The following REV3L variants were observed in gnomAD, a reference collection of about 807,000 sequenced individuals.
REV3L encodes DNA polymerase zeta catalytic subunit.
REV3L carries 69 observed loss-of-function variants against 299.4 expected under a neutral mutation model. That is an observed-to-expected ratio of 0.23 (90% CI 0.19 to 0.28). REV3L has a LOEUF of 0.28. REV3L is among the 10% of genes least tolerant of loss of function. The pLI, the probability that REV3L is intolerant of heterozygous loss-of-function variation, is 1.00. For synonymous variants in REV3L, 1,238 were observed against 1,271.4 expected, an observed-to-expected ratio of 0.97 and a Z score of 0.56; for missense variants, 3,128 against 3,693.8, an observed-to-expected ratio of 0.85 and a Z score of 3.97.
chr6:111,307,870 T>G, intron 30 of REV3L: 1 of 332,280 alleles, frequency 3.0e-6, no homozygotes, highest in South Asian at 3.0e-5. Context: ...TGTGCCATGT[T>G]GGTTTGCTGC....
intron 3 of REV3L, among the ~76,000 whole-genome samples, chr6:111,410,895 G>C (rs1328240730): frequency 9.9e-5 from 15 of 152,090 alleles, no homozygotes; most frequent in Admixed American, 9.2e-4. Flanking sequence ...ACTATACATA[G>C]TGAAAATCCT....
At chr6:111,336,690 A>C (rs1191289792) in intron 21 of REV3L, among the ~76,000 whole-genome samples, 1 of 152,000 alleles carries the variant, frequency 6.6e-6, no homozygotes, top group African/African-American at 2.4e-5. Flanking sequence ...ATCCAAAAGG[A>C]ATGAAAGAGG....
intron 9 of REV3L, among the ~76,000 whole-genome samples, chr6:111,386,639 A>AT (rs2128250390): frequency 6.6e-6 from 1 of 151,316 alleles, no homozygotes; most frequent in South Asian, 2.1e-4. Context: ...AAACTGTTTC[A>AT]TTTGTTACTA....
chr6:111,434,551 G>A (rs60083042), intron 1 of REV3L, among the ~76,000 whole-genome samples: 372 of 151,628 alleles, frequency 2.5e-3, no homozygotes, highest in African/African-American at 8.3e-3. Flanking sequence ...CCCGGGAAGC[G>A]GAGCTTGCAG....
At chr6:111,479,510 T>G (rs1357706580) in intron 1 of REV3L, among the ~76,000 whole-genome samples, 1 of 48,028 alleles carries the variant, frequency 2.1e-5, no homozygotes, top group African/African-American at 3.9e-5. Context: ...CCCCCCCGCC[T>G]TTTTTTTTTT....
intron 3 of REV3L, among the ~76,000 whole-genome samples, chr6:111,408,521 T>C (rs1372310390): frequency 1.3e-5 from 2 of 152,080 alleles, no homozygotes; most frequent in African/African-American, 4.8e-5. Flanking sequence ...GGAGAATTGC[T>C]TGAACCTGGG....
chr6:111,465,763 A>C (rs931211700), intron 1 of REV3L, among the ~76,000 whole-genome samples: 1 of 151,018 alleles, frequency 6.6e-6, no homozygotes, highest in South Asian at 2.1e-4. Context: ...AAAAAAAAAA[A>C]AAACTTTGTT....
intron 4 of REV3L, among the ~76,000 whole-genome samples, chr6:111,400,762 A>G (rs764098640): frequency 9.9e-5 from 15 of 152,140 alleles, no homozygotes; most frequent in African/African-American, 2.7e-4. Context: ...TTTTGGTGTC[A>G]TATCTAAAAC....
At chr6:111,337,295 C>A (rs1776002537) in intron 21 of REV3L, among the ~76,000 whole-genome samples, 1 of 152,158 alleles carries the variant, frequency 6.6e-6, no homozygotes, top group Non-Finnish European at 1.5e-5. Flanking sequence ...AAACATTAGG[C>A]AAACATGAAA....
At chr6:111,301,352 T>G (rs1330802542) in intron 31 of REV3L, among the ~76,000 whole-genome samples, 1 of 152,142 alleles carries the variant, frequency 6.6e-6, no homozygotes, top group Admixed American at 6.5e-5. Flanking sequence ...GTTGTGATAT[T>G]TTACTGCCTT....
intron 1 of REV3L, among the ~76,000 whole-genome samples, chr6:111,421,799 A>G (rs1785392034): frequency 6.6e-6 from 1 of 152,166 alleles, no homozygotes; most frequent in African/African-American, 2.4e-5. Flanking sequence ...TTGGTATGTG[A>G]GCAAGAACAT....
intron 1 of REV3L, among the ~76,000 whole-genome samples, chr6:111,479,854 A>G (rs1793410903): frequency 6.6e-6 from 1 of 152,114 alleles, no homozygotes; most frequent in African/African-American, 2.4e-5. Context: ...AATTTCACCA[A>G]CTTAAGACAT....
chr6:111,349,084 A>T, intron 20 of REV3L, 134 bp downstream of exon 20: 2 of 535,704 alleles, frequency 3.7e-6, no homozygotes, highest in Non-Finnish European at 6.6e-6. Flanking sequence ...TACTATTTTA[A>T]CTCTACTTAA....
intron 1 of REV3L, among the ~76,000 whole-genome samples, chr6:111,425,002 T>C (rs966810117): frequency 4.6e-5 from 7 of 152,178 alleles, no homozygotes; most frequent in Admixed American, 3.9e-4. Flanking sequence ...GCTATGTACA[T>C]GCCCAGGAAA....
At chr6:111,465,085 G>GTTTT (rs372736461) in intron 1 of REV3L, among the ~76,000 whole-genome samples, 1 of 130,028 alleles carries the variant, frequency 7.7e-6, no homozygotes, top group Non-Finnish European at 1.6e-5. Context: ...ATTTTTATTT[G>GTTTT]TTTTTTTTTT....
At chr6:111,330,446 G>A in intron 24 of REV3L, 1 of 337,546 alleles carries the variant, frequency 3.0e-6, no homozygotes, top group Admixed American at 3.1e-5. Context: ...TATTAACTTT[G>A]ATGATGATTC....
At chr6:111,447,679 G>A (rs1012051380) in intron 1 of REV3L, among the ~76,000 whole-genome samples, 3 of 152,130 alleles carry the variant, frequency 2.0e-5, no homozygotes, top group African/African-American at 4.8e-5. Context: ...ATAAGTAATC[G>A]ATGTGAGGGG....
chr6:111,441,184 T>C (rs931500282), intron 1 of REV3L, among the ~76,000 whole-genome samples: 13 of 152,212 alleles, frequency 8.5e-5, no homozygotes, highest in African/African-American at 2.4e-4. Context: ...TTTCTAGCAT[T>C]TCCTTTTCTT....
chr6:111,386,928 G>A (rs144799281), intron 9 of REV3L, among the ~76,000 whole-genome samples: 511 of 151,908 alleles, frequency 3.4e-3, no homozygotes, highest in Non-Finnish European at 5.1e-3. Flanking sequence ...CACCATGTTG[G>A]CCAGGCTGGT....
Sources: gnomAD v4.1 joint callset for allele counts (sites outside exome capture counted in the v4.1 genomes callset) on GRCh38, gnomAD v4.1.1 for gene constraint, MANE v1.5 for transcripts, NCBI Gene and HGNC (gene_info 2026-07-23, HGNC 2026-07-21) for gene names.